CRTAC1: variants seen among roughly 807,000 people sequenced by gnomAD.
The protein encoded by CRTAC1 is acidic secreted protein in cartilage.
CRTAC1 carries 37 observed loss-of-function variants against 67.8 expected under a neutral mutation model. That is an observed-to-expected ratio of 0.55 (90% CI 0.42 to 0.72). CRTAC1 has a LOEUF of 0.72. Ranked by LOEUF, CRTAC1 falls within the 30% of genes least tolerant of loss-of-function variation. CRTAC1 has a pLI of 0.00. For missense variants in CRTAC1, 780 were observed against 931.6 expected (o/e 0.84, Z 2.12); for synonymous variants, 348 against 371.0 (o/e 0.94, Z 0.71).
chr10:97,903,003 C>T (rs1481209487), intron 7 of CRTAC1, among the ~76,000 whole-genome samples: 1 of 151,942 alleles, frequency 6.6e-6, no homozygotes, highest in Admixed American at 6.6e-5. Flanking sequence ...CCATAGCCCC[C>T]TTGGGGTTGC....
chr10:97,880,648 T>C (rs574617976), intron 13 of CRTAC1, among the ~76,000 whole-genome samples: 1 of 152,296 alleles, frequency 6.6e-6, no homozygotes, highest in East Asian at 1.9e-4. Flanking sequence ...TCTTCATGCA[T>C]GGATGATTCC....
rs748435801 is a variant in CRTAC1 at position 97,865,625 on chromosome 10, T to C, written c.1909A>G (p.Thr637Ala). 2 of 1,613,014 alleles carry C rather than the reference T, an allele frequency of 1.2e-6. No homozygotes were observed. Among genetic ancestry groups the C allele is most frequent in the Non-Finnish European group, 8.5e-7 (1 of 1,179,550 alleles). Residue 637 changes from threonine (T) to alanine (A), a missense_variant, in exon 15 of 15, where the codon ACT (threonine) becomes GCT (alanine). Transcript: ENST00000370597. ...AAAAAAAGAA[T>A]AAPVLVDGDL... ...CCATCTACGAGGACCGGTGCAGCAG[T>C]GGCAGCTCCAGCAGCGGCAGCAGCA...
chr10:97,966,996 C>G (rs1054905619), intron 2 of CRTAC1, among the ~76,000 whole-genome samples: 11 of 53,162 alleles, frequency 2.1e-4, no homozygotes, highest in Non-Finnish European at 4.8e-4. Context: ...TAAAGTCACC[C>G]CCCCCCCCCC....
intron 2 of CRTAC1, among the ~76,000 whole-genome samples, chr10:98,008,792 G>T (rs138804285): frequency 1.7e-3 from 265 of 152,232 alleles, no homozygotes; most frequent in South Asian, 7.9e-3. Context: ...AGCAACTTGG[G>T]GGGCGAGGAG....
chr10:98,024,227 C>T (rs549330202), intron 1 of CRTAC1, among the ~76,000 whole-genome samples: 1 of 152,336 alleles, frequency 6.6e-6, no homozygotes, highest in East Asian at 1.9e-4. Flanking sequence ...CTGTACTTGT[C>T]CGGTGCAAAC....
At chr10:98,002,481 C>T (rs939300825) in intron 2 of CRTAC1, among the ~76,000 whole-genome samples, 2 of 152,118 alleles carry the variant, frequency 1.3e-5, no homozygotes, top group Non-Finnish European at 2.9e-5. Flanking sequence ...CATTGAAATG[C>T]CACCTCCAGA....
chr10:97,915,235 G>A (rs1251513896), intron 5 of CRTAC1, among the ~76,000 whole-genome samples: 2 of 152,218 alleles, frequency 1.3e-5, no homozygotes, highest in Admixed American at 6.5e-5. Context: ...TTCTTAAGTT[G>A]GAGGTCATCG....
At chr10:97,896,833 T>TTCC in intron 9 of CRTAC1, 76 bp downstream of exon 9, 1 of 450,864 alleles carries the variant, frequency 2.2e-6, no homozygotes. Context: ...GGCTGCCCCG[T>TTCC]CCCTCCCGCC....
chr10:97,997,978 CT>C lies in CRTAC1; in HGVS notation c.224+13159del, dbSNP rs920153068. On this transcript the variant is annotated intron_variant, in intron 2 of 14. Transcript: ENST00000370597. ...GCAGAGAGAATGGAGGAAAGACTTG[CT>C]TTTTTTTTGAGACAGGGTCTTGCTC... is the stretch of plus-strand genomic sequence containing the variant. Among the ~76,000 whole-genome samples the C allele has an allele frequency of 1.9e-3, 284 of 151,150 alleles. 1 individual carries two copies. The highest frequency in any genetic ancestry group is 6.7e-3 in the African/African-American group (277 of 41,230).
chr10:97,974,422 A>G (rs1331490507), intron 2 of CRTAC1, among the ~76,000 whole-genome samples: 1 of 152,236 alleles, frequency 6.6e-6, no homozygotes, highest in East Asian at 1.9e-4. Flanking sequence ...CAGCAAGGTC[A>G]CCTGCTTACA....
At chr10:97,897,577 C>T (rs1031350977) in intron 8 of CRTAC1, among the ~76,000 whole-genome samples, 7 of 152,208 alleles carry the variant, frequency 4.6e-5, no homozygotes, top group Non-Finnish European at 1.0e-4. Flanking sequence ...TCTCAGAAAG[C>T]TCCAAGCACA....
At chr10:97,866,675 CCT>C (rs1491061924) in intron 14 of CRTAC1, 1 of 152,216 alleles carries the variant, frequency 6.6e-6, no homozygotes, top group Non-Finnish European at 1.5e-5. Context: ...TATAAGCACA[CCT>C]GTGTGTGTCT....
intron 2 of CRTAC1, among the ~76,000 whole-genome samples, chr10:97,997,543 C>T (rs1161666078): frequency 1.3e-5 from 2 of 151,404 alleles, no homozygotes; most frequent in East Asian, 3.8e-4. Flanking sequence ...AGGAAGCAAG[C>T]CACCAGAAGT....
intron 2 of CRTAC1, among the ~76,000 whole-genome samples, chr10:97,963,845 C>T (rs560353398): frequency 3.3e-4 from 51 of 152,274 alleles, no homozygotes; most frequent in African/African-American, 1.2e-3. Flanking sequence ...TTGCCTTTTA[C>T]AGAAGAAGAA....
At chr10:97,899,578 ATCT>A (rs2050504954) in intron 8 of CRTAC1, among the ~76,000 whole-genome samples, 1 of 152,202 alleles carries the variant, frequency 6.6e-6, no homozygotes, top group South Asian at 2.1e-4. Flanking sequence ...CTAGCAATTG[ATCT>A]TCTGCAATTT....
intron 2 of CRTAC1, among the ~76,000 whole-genome samples, chr10:97,995,069 A>G (rs561412539): frequency 6.6e-6 from 1 of 152,348 alleles, no homozygotes; most frequent in Admixed American, 6.5e-5. Context: ...TATAAACAAC[A>G]TGGGAAGATG....
chr10:97,891,871 T>A (rs2050379397), intron 11 of CRTAC1, among the ~76,000 whole-genome samples: 1 of 152,256 alleles, frequency 6.6e-6, no homozygotes, highest in Admixed American at 6.5e-5. Context: ...CCCTGGCGGC[T>A]GGGTTGGCCA....
At chr10:97,880,605 C>A (rs576576481) in intron 13 of CRTAC1, among the ~76,000 whole-genome samples, 1 of 152,274 alleles carries the variant, frequency 6.6e-6, no homozygotes, top group South Asian at 2.1e-4. Context: ...CCTGGGTCCT[C>A]TCTTCTGTCT....
intron 1 of CRTAC1, among the ~76,000 whole-genome samples, chr10:98,026,983 C>T (rs1590306263): frequency 6.6e-6 from 1 of 152,140 alleles, no homozygotes; most frequent in East Asian, 1.9e-4. Context: ...ATTGAGACCA[C>T]AGTGAAACCC....
Sources: gnomAD v4.1 joint callset for allele counts (sites outside exome capture counted in the v4.1 genomes callset) on GRCh38, gnomAD v4.1.1 for gene constraint, MANE v1.5 for transcripts, NCBI Gene and HGNC (gene_info 2026-07-23, HGNC 2026-07-21) for gene names.